Variants in CDH18 observed in about 807,000 individuals in gnomAD.
The protein encoded by CDH18 is cadherin-18.
A neutral mutation model predicts 67.9 loss-of-function variants in CDH18; 31 were observed. The ratio of observed to expected loss-of-function variants is 0.46; its 90% CI spans 0.34 to 0.62. The LOEUF (loss-of-function observed/expected upper bound fraction) is 0.62. CDH18 is among the 20% of genes least tolerant of loss of function. The pLI is 0.01. For synonymous variants in CDH18, 362 were observed against 347.2 expected (o/e 1.04, Z -0.48); for missense variants, 890 against 975.5 (o/e 0.91, Z 1.17).
At chr5:20,173,549 A>G (rs1380391506) in intron 2 of CDH18, among the ~76,000 whole-genome samples, 1 of 152,188 alleles carries the variant, frequency 6.6e-6, no homozygotes, top group African/African-American at 2.4e-5. Flanking sequence ...TGTTTATAGC[A>G]AGAAAACTAG....
chr5:19,738,293 T>C (rs1768630004), intron 4 of CDH18, among the ~76,000 whole-genome samples: 1 of 152,202 alleles, frequency 6.6e-6, no homozygotes, highest in Non-Finnish European at 1.5e-5. Context: ...AGATCAATTG[T>C]AGTAAATATT....
intron 2 of CDH18, among the ~76,000 whole-genome samples, chr5:20,145,488 C>T (rs1382988676): frequency 1.3e-5 from 2 of 152,122 alleles, no homozygotes; most frequent in Admixed American, 6.6e-5. Flanking sequence ...TGAAGAAAAG[C>T]ATTACATGTC....
intron 5 of CDH18, among the ~76,000 whole-genome samples, chr5:19,641,597 C>T (rs922911667): frequency 6.6e-6 from 1 of 151,996 alleles, no homozygotes; most frequent in African/African-American, 2.4e-5. Context: ...TCAATAGATG[C>T]AGAAAATGGA....
intron 2 of CDH18, among the ~76,000 whole-genome samples, chr5:20,058,379 C>A (rs1430270899): frequency 1.3e-5 from 2 of 151,964 alleles, no homozygotes; most frequent in Non-Finnish European, 2.9e-5. Flanking sequence ...GATTAAGTAG[C>A]ACAGTTAATT....
intron 6 of CDH18, among the ~76,000 whole-genome samples, chr5:19,597,048 G>C (rs1746288838): frequency 6.6e-6 from 1 of 152,276 alleles, no homozygotes; most frequent in South Asian, 2.1e-4. Flanking sequence ...TACAAGACTA[G>C]GTTACAAAAA....
intron 2 of CDH18, among the ~76,000 whole-genome samples, chr5:20,135,459 C>T (rs577159692): frequency 3.2e-4 from 49 of 151,924 alleles, no homozygotes; most frequent in African/African-American, 7.0e-4. Flanking sequence ...TTTTTTAATG[C>T]GTCTATTTGA....
At chr5:19,856,772 A>C (rs1375169412) in intron 2 of CDH18, among the ~76,000 whole-genome samples, 1 of 151,986 alleles carries the variant, frequency 6.6e-6, no homozygotes, top group Non-Finnish European at 1.5e-5. Context: ...CGGGACCTTG[A>C]TCTTGGACTT....
chr5:20,376,753 A>G (rs994098784), intron 1 of CDH18, among the ~76,000 whole-genome samples: 1 of 151,836 alleles, frequency 6.6e-6, no homozygotes, highest in Admixed American at 6.6e-5. Context: ...GTGGTGGCTC[A>G]CACATGTAAT....
At chr5:20,363,484 A>AC (rs1379991518) in intron 1 of CDH18, among the ~76,000 whole-genome samples, 15 of 149,866 alleles carry the variant, frequency 1.0e-4, no homozygotes, top group Non-Finnish European at 3.0e-5. Flanking sequence ...TATCAAAAAA[A>AC]AAAAAAAAAA....
At chr5:19,485,318 C>T (rs1300634289) in intron 11 of CDH18, among the ~76,000 whole-genome samples, 1 of 151,306 alleles carries the variant, frequency 6.6e-6, no homozygotes, top group Non-Finnish European at 1.5e-5. Flanking sequence ...TGCAGTGGCG[C>T]CACCTCGGCT....
chr5:19,658,113 CAA>C (rs1756644156), intron 5 of CDH18, among the ~76,000 whole-genome samples: 4 of 123,784 alleles, frequency 3.2e-5, no homozygotes, highest in Admixed American at 9.2e-5. Flanking sequence ...TCTCATATAT[CAA>C]AGTTATCTCT....
At chr5:19,745,038 C>T (rs2150722953) in intron 4 of CDH18, among the ~76,000 whole-genome samples, 2 of 152,226 alleles carry the variant, frequency 1.3e-5, no homozygotes, top group South Asian at 4.1e-4. Flanking sequence ...TCTCTAAGGA[C>T]ACATGTTATT....
At chr5:19,996,338 T>C (rs1736018392) in intron 2 of CDH18, among the ~76,000 whole-genome samples, 2 of 152,060 alleles carry the variant, frequency 1.3e-5, no homozygotes, top group Admixed American at 6.5e-5. Context: ...TATTCTACAG[T>C]GTACATGTTT....
chr5:19,549,717 G>C (rs1044357972), intron 8 of CDH18, among the ~76,000 whole-genome samples: 5 of 136,418 alleles, frequency 3.7e-5, no homozygotes, highest in Non-Finnish European at 6.3e-5. Flanking sequence ...AAGAAAGGAA[G>C]AAAGGAAGGA....
At chr5:20,529,863 A>C (rs1703055) in intron 1 of CDH18, among the ~76,000 whole-genome samples, 60,544 of 151,796 alleles carry the variant, frequency 0.4, 13,551 homozygotes, top group East Asian at 0.56. Context: ...ACTCTTATTC[A>C]ACATAACATT....
chr5:20,122,622 T>A (rs756848325), intron 2 of CDH18, among the ~76,000 whole-genome samples: 17 of 151,802 alleles, frequency 1.1e-4, no homozygotes, highest in Non-Finnish European at 2.1e-4. Context: ...TATTATAAGT[T>A]TTACTCAACT....
chr5:20,257,150 T>C (rs780015747), intron 1 of CDH18, among the ~76,000 whole-genome samples: 1 of 152,016 alleles, frequency 6.6e-6, no homozygotes, highest in Non-Finnish European at 1.5e-5. Context: ...GTAAATAATA[T>C]CTGATGTAAC....
intron 1 of CDH18, among the ~76,000 whole-genome samples, chr5:20,495,141 T>C (rs772404635): frequency 6.6e-6 from 1 of 152,188 alleles, no homozygotes; most frequent in Admixed American, 6.6e-5. Context: ...TTATCATTTT[T>C]TTCTCTACCG....
At position 19,483,308 on chromosome 5, in the gene CDH18, A is replaced by G; in HGVS notation, c.1875T>C (p.Ile625=). 1 of 1,612,626 alleles carries G rather than the reference A, an allele frequency of 6.2e-7. No individual in the cohort carries two copies. ...ALIAILLCVL[I]LLAIVVLFIT... is the part of the protein sequence containing the mutation. The stretch of plus-strand genomic sequence containing the variant: ...GGGTTTAGAATGACTTACCCAGGAG[A>G]ATGAGAACACAGAGAAGAATAGCGA... The change falls in exon 12 of 13, where the codon ATT becomes ATC. Residue 625 remains isoleucine, a synonymous_variant. Coordinates refer to ENST00000382275, the MANE Select transcript of CDH18 (RefSeq NM_004934.5).
Sources: allele counts gnomAD v4.1 joint callset (sites outside exome capture counted in the v4.1 genomes callset), GRCh38; gene constraint gnomAD v4.1.1; transcripts MANE v1.5; gene names NCBI Gene and HGNC (gene_info 2026-07-23, HGNC 2026-07-21).